Variants in EPDR1 observed in about 807,000 individuals in gnomAD.
EPDR1 encodes the protein ependymin related 1.
A neutral mutation model predicts 23.7 loss-of-function variants in EPDR1; 27 were observed. The ratio of observed to expected loss-of-function variants is 1.14; its 90% CI spans 0.84 to 1.57. The LOEUF (loss-of-function observed/expected upper bound fraction) is 1.57, where lower values mean the gene tolerates loss of function less well. Among genes scored for constraint, EPDR1 ranks in the 40% most tolerant of loss-of-function variants. The pLI is 0.00. For synonymous variants in EPDR1, 137 were observed against 118.2 expected (o/e 1.16, Z -1.03); for missense variants, 349 against 290.4 (o/e 1.20, Z -1.47).
intron 1 of EPDR1, among the ~76,000 whole-genome samples, chr7:37,946,757 C>A: frequency 6.6e-6 from 1 of 151,420 alleles, no homozygotes; most frequent in Non-Finnish European, 1.5e-5. Flanking sequence ...GTAGGCCTGG[C>A]TAATATCTGT....
chr7:37,940,850 T>A (rs2598098), intron 1 of EPDR1, among the ~76,000 whole-genome samples: 100,512 of 151,684 alleles, frequency 0.66, 33,429 homozygotes, highest in East Asian at 0.76. Flanking sequence ...CAAAGCAATG[T>A]CATCTCAATG....
At chr7:37,936,023 T>TATATATATATACACAC (rs1786042387) in intron 1 of EPDR1, among the ~76,000 whole-genome samples, 1 of 99,658 alleles carries the variant, frequency 1.0e-5, no homozygotes, top group Non-Finnish European at 2.2e-5. Context: ...TATATATATA[T>TATATATATATACACAC]ATATATATAT....
intron 1 of EPDR1, among the ~76,000 whole-genome samples, chr7:37,929,436 G>C (rs1217911464): frequency 6.6e-6 from 1 of 152,180 alleles, no homozygotes; most frequent in Non-Finnish European, 1.5e-5. Context: ...TGATGTCGGA[G>C]AAGGCGATTC....
chr7:37,950,620 G>A lies in EPDR1; in HGVS notation c.*224G>A, dbSNP rs3734953. On this transcript the variant is annotated 3_prime_UTR_variant, in exon 3 of 3. Coordinates refer to ENST00000199448, the MANE Select transcript of EPDR1 (RefSeq NM_017549.5). ...GTGTGGCCATATGAACTGACTAGAT[G>A]GCTAATATGGACACTTTGGGTATTT... is the stretch of plus-strand genomic sequence containing the variant. 0.08 allele frequency: 41,492 copies of A among 520,086 alleles called. 1,882 individuals carry two copies. The highest frequency in any genetic ancestry group is 0.15 in the South Asian group (4,709 of 30,980). 32.2% of individuals were successfully genotyped at this position (520,086 alleles called of 1,614,324 possible). A position where few individuals can be genotyped will look rare whatever the true frequency, so the allele number is the denominator to read the frequency against.
chr7:37,934,948 A>T (rs995842780), intron 1 of EPDR1, among the ~76,000 whole-genome samples: 4 of 133,320 alleles, frequency 3.0e-5, no homozygotes, highest in Admixed American at 2.2e-4. Flanking sequence ...TTGTCTTTAA[A>T]AAAAAAGTTA....
rs972520381 is a variant in EPDR1, at chr7:37,929,494, A to AT, written c.269+8295dup. Among the ~76,000 whole-genome samples, 272 of 151,424 alleles carry AT rather than the reference A, an allele frequency of 1.8e-3. 2 individuals are homozygous for AT. Among genetic ancestry groups the AT allele is most frequent in the African/African-American group, 6.0e-3 (249 of 41,292 alleles). The stretch of plus-strand genomic sequence containing the variant: ...TAAGAGCAGGGCCTGACTAATTTTT[A>AT]TTTTTTTTTGAATCAGTGAATGAGG... On this transcript the variant is annotated intron_variant, in intron 1 of 2. Coordinates refer to ENST00000199448, the MANE Select transcript of EPDR1 (RefSeq NM_017549.5).
intron 1 of EPDR1, among the ~76,000 whole-genome samples, chr7:37,927,667 G>A (rs1785845594): frequency 6.6e-6 from 1 of 152,186 alleles, no homozygotes; most frequent in African/African-American, 2.4e-5. Context: ...GGGTGTTTCT[G>A]TGTGACTGGG....
chr7:37,948,993 G>A lies in EPDR1; in HGVS notation c.423G>A (p.Gly141=). The A allele has an allele frequency of 6.2e-7, 1 of 1,614,176 alleles. No individual in the cohort carries two copies. The highest frequency in any genetic ancestry group is 8.5e-7 in the Non-Finnish European group (1 of 1,180,034). The change falls in exon 2 of 3, where the codon GGG becomes GGA. Residue 141 remains glycine (G), a synonymous_variant. Coordinates refer to ENST00000199448, the MANE Select transcript of EPDR1 (RefSeq NM_017549.5). ...STFEDQYSIG[G]PQEQITVQEW... is the part of the protein sequence containing the mutation. ...TTGAAGACCAGTACTCCATCGGGGG[G>A]CCTCAGGAGCAGATCACCGTCCAGG...
chr7:37,937,985 A>AGTTTTTTTTTTTTTTTTTTTTT (rs1786088715), intron 1 of EPDR1, among the ~76,000 whole-genome samples: 1 of 72,424 alleles, frequency 1.4e-5, no homozygotes, highest in Non-Finnish European at 2.7e-5. Context: ...TGCCCTTTAA[A>AGTTTTTTTTTTTTTTTTTTTTT]TTTTTTTTTT....
intron 1 of EPDR1, among the ~76,000 whole-genome samples, chr7:37,938,475 C>G (rs1388690294): frequency 6.6e-6 from 1 of 152,162 alleles, no homozygotes; most frequent in Non-Finnish European, 1.5e-5. Flanking sequence ...GGACATTTTT[C>G]TGCTAAAGCT....
intron 1 of EPDR1, among the ~76,000 whole-genome samples, chr7:37,938,693 T>C (rs1018852406): frequency 6.6e-6 from 1 of 152,206 alleles, no homozygotes; most frequent in Non-Finnish European, 1.5e-5. Context: ...ATTGTAGCGG[T>C]AAAGCCATGT....
At chr7:37,935,495 G>C (rs1786029770) in intron 1 of EPDR1, among the ~76,000 whole-genome samples, 1 of 152,170 alleles carries the variant, frequency 6.6e-6, no homozygotes, top group South Asian at 2.1e-4. Context: ...CTCAAATTCT[G>C]TTCATAAGAA....
At chr7:37,931,108 G>A (rs1012853167) in intron 1 of EPDR1, among the ~76,000 whole-genome samples, 2 of 151,574 alleles carry the variant, frequency 1.3e-5, no homozygotes, top group Non-Finnish European at 2.9e-5. Flanking sequence ...GATTTTCAAT[G>A]TCTAAGCACA....
chr7:37,935,601 A>G (rs1229785439), intron 1 of EPDR1, among the ~76,000 whole-genome samples: 4 of 152,212 alleles, frequency 2.6e-5, no homozygotes, highest in Non-Finnish European at 4.4e-5. Flanking sequence ...AGGAAGCTTG[A>G]TTCTTTGACC....
chr7:37,949,111 C>A, intron 2 of EPDR1, 63 bp downstream of exon 2: 1 of 1,502,392 alleles, frequency 6.7e-7, no homozygotes, highest in Non-Finnish European at 9.1e-7. Flanking sequence ...AGGTTTAAGT[C>A]CTTTAAGGAA....
intron 1 of EPDR1, among the ~76,000 whole-genome samples, chr7:37,948,015 C>T (rs1417292344): frequency 6.6e-6 from 1 of 152,246 alleles, no homozygotes; most frequent in East Asian, 1.9e-4. Flanking sequence ...TGCGCCCGTG[C>T]CGGATCAGCT....
At chr7:37,930,797 T>C (rs555081575) in intron 1 of EPDR1, among the ~76,000 whole-genome samples, 5 of 152,194 alleles carry the variant, frequency 3.3e-5, no homozygotes, top group Non-Finnish European at 5.9e-5. Flanking sequence ...ATTTGAAGTG[T>C]TTTGGTGGTT....
At chr7:37,931,697 TG>T (rs1179869883) in intron 1 of EPDR1, among the ~76,000 whole-genome samples, 1 of 151,992 alleles carries the variant, frequency 6.6e-6, no homozygotes, top group African/African-American at 2.4e-5. Context: ...CACTTTGTTT[TG>T]TTTTTGTTTT....
intron 1 of EPDR1, among the ~76,000 whole-genome samples, chr7:37,940,600 T>G (rs1786151353): frequency 6.6e-6 from 1 of 152,190 alleles, no homozygotes; most frequent in Non-Finnish European, 1.5e-5. Context: ...TAAACTTCAC[T>G]TGGCAATTTT....
Sources: gnomAD v4.1 joint callset for allele counts (sites outside exome capture counted in the v4.1 genomes callset) on GRCh38, gnomAD v4.1.1 for gene constraint, MANE v1.5 for transcripts, NCBI Gene and HGNC (gene_info 2026-07-23, HGNC 2026-07-21) for gene names.